DCC: variants seen among roughly 807,000 people sequenced by gnomAD.
DCC encodes DCC netrin 1 receptor.
Under a neutral mutation model 172.5 loss-of-function variants are expected in DCC, and 58 were observed. That is an observed-to-expected ratio of 0.34 (90% CI 0.27 to 0.42). The LOEUF (loss-of-function observed/expected upper bound fraction) is 0.42. DCC is among the 10% of genes least tolerant of loss of function. The pLI is 1.00. For synonymous variants in DCC, 709 were observed against 644.5 expected (o/e 1.10, Z -1.52); for missense variants, 1,740 against 1,791.0 (o/e 0.97, Z 0.51).
chr18:53,228,633 A>T (rs2056074507), intron 12 of DCC, among the ~76,000 whole-genome samples: 1 of 152,084 alleles, frequency 6.6e-6, no homozygotes, highest in African/African-American at 2.4e-5. Context: ...CTTGTCTGTC[A>T]TTTAGAGAAG....
chr18:52,662,240 G>T (rs1220092870), intron 1 of DCC, among the ~76,000 whole-genome samples: 1 of 152,152 alleles, frequency 6.6e-6, no homozygotes, highest in Admixed American at 6.5e-5. Flanking sequence ...GATGCTACTG[G>T]TCTGTGAACA....
chr18:53,084,215 C>A (rs1292365372), intron 7 of DCC, among the ~76,000 whole-genome samples: 1 of 152,172 alleles, frequency 6.6e-6, no homozygotes, highest in Non-Finnish European at 1.5e-5. Flanking sequence ...AGTGTGCTAG[C>A]TCAGGTGTTT....
At chr18:52,787,522 C>T (rs1245006360) in intron 2 of DCC, among the ~76,000 whole-genome samples, 1 of 152,080 alleles carries the variant, frequency 6.6e-6, no homozygotes, top group East Asian at 1.9e-4. Context: ...TTTTAGAAAT[C>T]CCATGCACTG....
chr18:53,293,470 T>C (rs2057028887), intron 12 of DCC, among the ~76,000 whole-genome samples: 1 of 152,144 alleles, frequency 6.6e-6, no homozygotes, highest in Non-Finnish European at 1.5e-5. Flanking sequence ...TTACTAGCGT[T>C]TTTTAAATTT....
intron 15 of DCC, among the ~76,000 whole-genome samples, chr18:53,367,938 A>G (rs1261736933): frequency 6.6e-6 from 1 of 152,138 alleles, no homozygotes; most frequent in African/African-American, 2.4e-5. Context: ...TGAGAGTGTA[A>G]TACTCAGAAA....
At position 53,450,504 on chromosome 18, in the gene DCC, G is replaced by A. The variant is rs746957136; in HGVS notation, c.3234G>A (p.Pro1078=). Residue 1078 remains proline (P), a synonymous_variant, in exon 23 of 29, where the codon CCG becomes CCA. Coordinates refer to ENST00000442544, the MANE Select transcript of DCC (RefSeq NM_005215.4). ...NLIDRSTLNE[P]PIGQMHPPHG... ...CATTTTCCTGTCTTTTCCCAGAGCC[G>A]CCAATTGGACAAATGCACCCCCCGC... 3.8e-5 allele frequency: 62 copies of A among 1,613,612 alleles called. No individual in the cohort carries two copies. In the Admixed American group the frequency reaches 4.2e-4, roughly 11 times the overall value.
At chr18:52,688,006 A>G (rs1599019681) in intron 1 of DCC, among the ~76,000 whole-genome samples, 2 of 152,112 alleles carry the variant, frequency 1.3e-5, no homozygotes, top group African/African-American at 4.8e-5. Context: ...TTCATGATCC[A>G]CTGAACTATA....
chr18:52,511,667 C>T (rs931148945), intron 1 of DCC, among the ~76,000 whole-genome samples: 10 of 152,170 alleles, frequency 6.6e-5, no homozygotes, highest in Admixed American at 6.5e-4. Flanking sequence ...TCCCAAATGT[C>T]AATAGCTCCA....
chr18:52,792,858 C>T (rs1568107202), intron 2 of DCC, among the ~76,000 whole-genome samples: 3 of 94,504 alleles, frequency 3.2e-5, no homozygotes, highest in Non-Finnish European at 4.7e-5. Context: ...CCATTCCATT[C>T]GGGTTGATTC....
chr18:53,214,407 A>C (rs1181088187), intron 11 of DCC, among the ~76,000 whole-genome samples: 1 of 152,208 alleles, frequency 6.6e-6, no homozygotes, highest in East Asian at 1.9e-4. Context: ...ATAAAAGATT[A>C]ATCGGTGGCA....
At chr18:53,399,347 C>T (rs1225433753) in intron 18 of DCC, among the ~76,000 whole-genome samples, 1 of 152,048 alleles carries the variant, frequency 6.6e-6, no homozygotes, top group Non-Finnish European at 1.5e-5. Flanking sequence ...GGTGATCACA[C>T]AGCTAAGGAG....
At chr18:53,493,786 A>G (rs1220450899) in intron 26 of DCC, among the ~76,000 whole-genome samples, 1 of 149,740 alleles carries the variant, frequency 6.7e-6, no homozygotes, top group East Asian at 2.0e-4. Context: ...GATCTTAGTT[A>G]TTTCTTGTCT....
At chr18:53,275,317 A>AG (rs1483581841) in intron 12 of DCC, among the ~76,000 whole-genome samples, 2 of 152,086 alleles carry the variant, frequency 1.3e-5, no homozygotes, top group Non-Finnish European at 2.9e-5. Flanking sequence ...AAAATTCTCT[A>AG]AGAATTTTTG....
intron 2 of DCC, among the ~76,000 whole-genome samples, chr18:52,862,191 C>T (rs1418223108): frequency 6.6e-6 from 1 of 151,952 alleles, no homozygotes; most frequent in Non-Finnish European, 1.5e-5. Context: ...CTCGTATGTT[C>T]CTCTTGGGCT....
intron 15 of DCC, among the ~76,000 whole-genome samples, chr18:53,385,026 T>C (rs1908059193): frequency 6.7e-6 from 1 of 149,726 alleles, no homozygotes; most frequent in Non-Finnish European, 1.5e-5. Flanking sequence ...TTTTTCTTTT[T>C]TTTTTTTTTT....
At chr18:52,423,162 A>G (rs1987306992) in intron 1 of DCC, among the ~76,000 whole-genome samples, 1 of 152,172 alleles carries the variant, frequency 6.6e-6, no homozygotes, top group East Asian at 1.9e-4. Flanking sequence ...AAAAGCAAGG[A>G]TAAATGTTGC....
At chr18:53,307,885 ATGTG>A (rs1458142538) in intron 13 of DCC, among the ~76,000 whole-genome samples, 1 of 76,102 alleles carries the variant, frequency 1.3e-5, no homozygotes, top group African/African-American at 5.0e-5. Flanking sequence ...CTGGAAAGCA[ATGTG>A]TGTGTATGTA....
chr18:53,471,977 C>T (rs2045702227), intron 25 of DCC, among the ~76,000 whole-genome samples: 1 of 152,020 alleles, frequency 6.6e-6, no homozygotes, highest in South Asian at 2.1e-4. Flanking sequence ...CATTTTGAGT[C>T]GCCAATACCC....
At chr18:52,881,806 A>C (rs922354124) in intron 2 of DCC, among the ~76,000 whole-genome samples, 12 of 152,098 alleles carry the variant, frequency 7.9e-5, no homozygotes, top group Admixed American at 1.3e-4. Context: ...GTTCCATATA[A>C]ATTTTAGGAA....
Sources: gnomAD v4.1 joint callset for allele counts (sites outside exome capture counted in the v4.1 genomes callset) on GRCh38, gnomAD v4.1.1 for gene constraint, MANE v1.5 for transcripts, NCBI Gene and HGNC (gene_info 2026-07-23, HGNC 2026-07-21) for gene names.